Variants in HYDIN observed in about 807,000 individuals in gnomAD.
HYDIN encodes HYDIN axonemal central pair apparatus protein.
In HYDIN, 132 loss-of-function variants were observed where a neutral mutation model predicts 403.9. That is an observed-to-expected ratio of 0.33 (90% CI 0.28 to 0.38). HYDIN has a LOEUF of 0.38. Ranked by LOEUF, HYDIN falls within the 10% of genes least tolerant of loss-of-function variation. The pLI, the probability that HYDIN is intolerant of heterozygous loss-of-function variation, is 1.00. For missense variants in HYDIN, 2,827 were observed against 5,009.5 expected, an observed-to-expected ratio of 0.56 and a Z score of 13.15; for synonymous variants, 1,202 against 1,891.7, an observed-to-expected ratio of 0.64 and a Z score of 9.46.
At chr16:71,175,275 C>G (rs576785887) in intron 5 of HYDIN, among the ~76,000 whole-genome samples, 1 of 152,060 alleles carries the variant, frequency 6.6e-6, no homozygotes, top group South Asian at 2.1e-4. Context: ...GCACCATCAC[C>G]CACCACTACC....
chr16:71,102,353 A>G (rs2083482247), intron 10 of HYDIN, among the ~76,000 whole-genome samples: 1 of 152,090 alleles, frequency 6.6e-6, no homozygotes, highest in Non-Finnish European at 1.5e-5. Context: ...TTCAATATAA[A>G]TTTTAAAAAC....
chr16:71,047,583 A>C lies in HYDIN; in HGVS notation c.2529+12921T>G, dbSNP rs1264582503. ...ACTTCAGATGGCTCAGGAAGAACCCAATCCATTTTGGAATGACCATGACTT... is the reference window on the plus strand; with the variant it reads ...ACTTCAGATGGCTCAGGAAGAACCCCATCCATTTTGGAATGACCATGACTT... On this transcript the variant is annotated intron_variant, in intron 18 of 85. Coordinates refer to ENST00000393567, the MANE Select transcript of HYDIN (RefSeq NM_001270974.2). Among the ~76,000 whole-genome samples, 4 of 151,776 alleles carry C rather than the reference A, an allele frequency of 2.6e-5. No individual in the cohort carries two copies. The South Asian group carries it at 6.3e-4, about 24-fold the overall frequency.
intron 1 of HYDIN, among the ~76,000 whole-genome samples, chr16:71,209,694 G>T (rs2088485450): frequency 6.6e-6 from 1 of 152,136 alleles, no homozygotes. Context: ...AAAGTTTTGG[G>T]ATACTAAATC....
chr16:71,192,765 C>T (rs1016911238), intron 1 of HYDIN, among the ~76,000 whole-genome samples: 7 of 152,184 alleles, frequency 4.6e-5, no homozygotes, highest in Admixed American at 1.3e-4. Context: ...TTTTTGAGGA[C>T]AGGAACTTTG....
intron 3 of HYDIN, among the ~76,000 whole-genome samples, chr16:71,181,447 A>C (rs1174002012): frequency 6.6e-6 from 1 of 152,128 alleles, no homozygotes; most frequent in African/African-American, 2.4e-5. Context: ...AAGCCCCCAA[A>C]CCAATTATTA....
chr16:71,064,805 T>G lies in HYDIN; in HGVS notation c.2111A>C (p.Glu704Ala). 1 of 1,612,914 alleles carries G rather than the reference T, an allele frequency of 6.2e-7. No individual in the cohort carries two copies. Among genetic ancestry groups the G allele is most frequent in the Non-Finnish European group, 8.5e-7 (1 of 1,179,520 alleles). The change falls in exon 16 of 86, where the codon GAG becomes GCG. Residue 704 changes from glutamate (E) to alanine (A), a missense_variant. Transcript: ENST00000393567. The stretch of plus-strand genomic sequence containing the variant: ...CAGGAAGCAGTGCCCAAAGTCCACC[T>G]CTGTATTGACCAGGTGGAGGGCAGG... ...VVPALHLVNT[E>A]VDFGHCFLKY... is the part of the protein sequence containing the mutation.
intron 13 of HYDIN, among the ~76,000 whole-genome samples, chr16:71,077,332 G>T (rs1568118580): frequency 6.6e-6 from 1 of 151,024 alleles, no homozygotes; most frequent in Non-Finnish European, 1.5e-5. Context: ...TTCCTGTAGT[G>T]TCTGCACATT....
chr16:71,216,115 C>G (rs2088867572), intron 1 of HYDIN, among the ~76,000 whole-genome samples: 2 of 152,050 alleles, frequency 1.3e-5, no homozygotes, highest in South Asian at 4.1e-4. Flanking sequence ...CAGTTTTACC[C>G]TGGTAGACAG....
rs1382366531 is a variant in HYDIN, at chr16:70,850,483, T to C, written c.12616A>G (p.Thr4206Ala). 2.5e-6 allele frequency: 4 copies of C among 1,592,036 alleles called. No individual in the cohort carries two copies. In the African/African-American group the frequency reaches 4.1e-5, roughly 16 times the overall value. ...TTGATGATGTTAGTCTGGTTGGGAG[T>C]CAACAGAGTGATGGAGCCTGTCCTG... ...KDRTGSITLLTPNQTNIINFY... is the reference protein window; with the variant it reads ...KDRTGSITLLAPNQTNIINFY... Residue 4206 changes from threonine (T) to alanine (A), a missense_variant, in exon 74 of 86, where the codon ACT (threonine) becomes GCT (alanine). Transcript: ENST00000393567.
intron 1 of HYDIN, among the ~76,000 whole-genome samples, chr16:71,200,357 T>C (rs1241280858): frequency 1.3e-5 from 2 of 152,088 alleles, no homozygotes; most frequent in Non-Finnish European, 2.9e-5. Context: ...CCCAGAACCC[T>C]CTCTTGGGGT....
Position 71,087,589 on chromosome 16 carries a change from A to C in HYDIN, c.1670+712T>G, listed in dbSNP as rs2082968180. 3 of 136,944 alleles carry C rather than the reference A, an allele frequency of 2.2e-5. No homozygotes were observed. The South Asian group carries it at 8.2e-4, about 37-fold the overall frequency. The allele number at this position is 136,944 out of a possible 1,614,324, so 8.5% of individuals were successfully genotyped here. On this transcript the variant is annotated intron_variant, in intron 12 of 85. Coordinates refer to ENST00000393567, the MANE Select transcript of HYDIN (RefSeq NM_001270974.2). ...GTGCATAACAGGGACACTGAGGTGG[A>C]AGAGTTGAGAATAAATAGTAATCAC...
rs758077722 is a variant in HYDIN, at chr16:71,186,750, G to A, written c.135+11C>T. 8.7e-6 allele frequency: 14 copies of A among 1,606,214 alleles called. No homozygotes were observed. Among genetic ancestry groups the A allele is most frequent in the East Asian group, 2.2e-5 (1 of 44,792 alleles). ...TTAAGTATTTTACATATTAATTCCC[G>A]GATACATTACCATTCGGTTTACTTC... On this transcript the variant is annotated intron_variant, in intron 2 of 85. Transcript: ENST00000393567.
At chr16:71,204,806 C>T (rs2088206243) in intron 1 of HYDIN, among the ~76,000 whole-genome samples, 1 of 152,136 alleles carries the variant, frequency 6.6e-6, no homozygotes, top group African/African-American at 2.4e-5. Context: ...ATATCTGTTT[C>T]CACTCTATAT....
intron 45 of HYDIN, among the ~76,000 whole-genome samples, chr16:70,922,876 C>T (rs1378477893): frequency 6.8e-6 from 1 of 147,910 alleles, no homozygotes; most frequent in Non-Finnish European, 1.5e-5. Context: ...CGGTAATTCT[C>T]CCACCTCAGC....
chr16:70,962,571 T>C (rs1377685757), intron 37 of HYDIN, among the ~76,000 whole-genome samples: 1 of 152,112 alleles, frequency 6.6e-6, no homozygotes, highest in Non-Finnish European at 1.5e-5. Context: ...TACATACTGA[T>C]GTGTAGCCTG....
intron 1 of HYDIN, among the ~76,000 whole-genome samples, chr16:71,202,297 T>C (rs1220167610): frequency 2.6e-5 from 4 of 152,240 alleles, no homozygotes; most frequent in Admixed American, 2.6e-4. Context: ...CAATTCATAT[T>C]ATTTTCATTG....
rs2039457017 is a variant in HYDIN, at chr16:70,862,183, T to C, written c.11642A>G (p.His3881Arg). Residue 3881 changes from histidine (H) to arginine (R), a missense_variant, in exon 69 of 86, where the codon CAC (histidine) becomes CGC (arginine). Transcript: ENST00000393567. ...GGGCTGTGGGGAACCCTCGGCCCAGTGGTCCATGGTGCTGTCCAGGGTGCT... is the reference window on the plus strand; with the variant it reads ...GGGCTGTGGGGAACCCTCGGCCCAGCGGTCCATGGTGCTGTCCAGGGTGCT... ...TGSTLDSTMD[H>R]WAEGSPQPFS... The C allele has an allele frequency of 6.2e-7, 1 of 1,613,466 alleles. No individual in the cohort carries two copies.
At chr16:70,828,893 T>C (rs958889064) in intron 81 of HYDIN, among the ~76,000 whole-genome samples, 25 of 145,734 alleles carry the variant, frequency 1.7e-4, no homozygotes, top group African/African-American at 4.8e-4. Flanking sequence ...ATGATAGTTA[T>C]GGCTGTATCT....
chr16:71,153,578 C>T (rs74027626), intron 6 of HYDIN, among the ~76,000 whole-genome samples: 1 of 151,976 alleles, frequency 6.6e-6, no homozygotes, highest in East Asian at 1.9e-4. Context: ...ATATCCTGAC[C>T]TCACATCCCC....
Sources: allele counts gnomAD v4.1 joint callset (sites outside exome capture counted in the v4.1 genomes callset), GRCh38; gene constraint gnomAD v4.1.1; transcripts MANE v1.5; gene names NCBI Gene and HGNC (gene_info 2026-07-23, HGNC 2026-07-21).